Variants in PADI1 observed in about 807,000 individuals in gnomAD.
PADI1 encodes peptidyl arginine deiminase 1.
In PADI1, 65 loss-of-function variants were observed where a neutral mutation model predicts 74.8. The observed-to-expected ratio is 0.87, with a 90% confidence interval of 0.71 to 1.07. PADI1 has a LOEUF of 1.07. Ranked by LOEUF, PADI1 falls within the 50% of genes least tolerant of loss-of-function variation. The pLI is 0.00. For synonymous variants in PADI1, 371 were observed against 336.2 expected (o/e 1.10, Z -1.13); for missense variants, 943 against 854.0 (o/e 1.10, Z -1.30).
chr1:17,243,098 G>T (rs1459567050), intron 15 of PADI1, among the ~76,000 whole-genome samples: 2 of 152,218 alleles, frequency 1.3e-5, no homozygotes, highest in Non-Finnish European at 2.9e-5. Context: ...ACTCAAGACA[G>T]CCCAGAGCCG....
Position 17,230,187 on chromosome 1 carries a change from T to C in PADI1, c.1032T>C (p.Asn344=). 6.2e-7 allele frequency: 1 copy of C among 1,613,922 alleles called. No individual in the cohort carries two copies. Among genetic ancestry groups the C allele is most frequent in the Non-Finnish European group, 8.5e-7 (1 of 1,179,934 alleles). ...CKLTICPQVE[N]RNDRWIQDEM... is the part of the protein sequence containing the mutation. ...TGACCATCTGCCCTCAAGTTGAAAA[T>C]CGAAATGACCGCTGGATCCAGGTGG... The change falls in exon 9 of 16, where the codon AAT becomes AAC. Residue 344 remains asparagine, a synonymous_variant. Transcript: ENST00000375471.
intron 1 of PADI1, among the ~76,000 whole-genome samples, chr1:17,206,683 C>CTTTTTTTTTTT (rs796276122): frequency 9.1e-6 from 1 of 109,762 alleles, no homozygotes; most frequent in Non-Finnish European, 1.9e-5. Context: ...TTTTCTTTTT[C>CTTTTTTTTTTT]TTTTTTTTTT....
chr1:17,229,073 C>T, intron 8 of PADI1, 22 bp downstream of exon 8: 1 of 1,461,948 alleles, frequency 6.8e-7, no homozygotes, highest in Non-Finnish European at 9.4e-7. Flanking sequence ...TCCCTCCAGC[C>T]CTCCCCCAAG....
intron 1 of PADI1, among the ~76,000 whole-genome samples, chr1:17,213,999 G>A (rs576704249): frequency 1.4e-3 from 209 of 152,342 alleles, no homozygotes; most frequent in Non-Finnish European, 2.4e-3. Flanking sequence ...CGGCGCAGAC[G>A]AGATGTGAAG....
chr1:17,222,807 G>A (rs2072195025), intron 2 of PADI1, among the ~76,000 whole-genome samples: 1 of 152,132 alleles, frequency 6.6e-6, no homozygotes, highest in Admixed American at 6.5e-5. Flanking sequence ...GCTCTCGTGT[G>A]GGCAGGACCG....
chr1:17,210,111 A>T (rs1375342808), intron 1 of PADI1, among the ~76,000 whole-genome samples: 1 of 152,164 alleles, frequency 6.6e-6, no homozygotes, highest in South Asian at 2.1e-4. Flanking sequence ...AAGTGTTGGG[A>T]TTACAGGTGT....
At position 17,240,737 on chromosome 1, in the gene PADI1, G is replaced by A. The variant is rs370919595; in HGVS notation, c.1735G>A (p.Ala579Thr). The A allele has an allele frequency of 2.5e-5, 40 of 1,613,882 alleles. No individual in the cohort carries two copies. Among genetic ancestry groups the A allele is most frequent in the African/African-American group, 4.0e-5 (3 of 74,916 alleles). Residue 579 changes from alanine to threonine, a missense_variant, in exon 15 of 16, where the codon GCG (alanine) becomes ACG (threonine). Transcript: ENST00000375471. ...GCTCTTCTTCCTGAAAAACTTCTAC[G>A]CGGAAGCCTTCTTCCCAGACATGGT... ...PQLFFLKNFY[A>T]EAFFPDMVNM... is the part of the protein sequence containing the mutation.
chr1:17,229,704 C>T (rs1333647893), intron 8 of PADI1, among the ~76,000 whole-genome samples: 1 of 152,184 alleles, frequency 6.6e-6, no homozygotes, highest in African/African-American at 2.4e-5. Context: ...CTCCTGCTTG[C>T]TAACCCCACC....
At chr1:17,206,530 G>A (rs1441171136) in intron 1 of PADI1, among the ~76,000 whole-genome samples, 2 of 152,146 alleles carry the variant, frequency 1.3e-5, no homozygotes, top group Admixed American at 1.3e-4. Flanking sequence ...GTTAACATAG[G>A]CTTGCCAGAT....
At chr1:17,206,600 G>T (rs1229631086) in intron 1 of PADI1, among the ~76,000 whole-genome samples, 3 of 151,702 alleles carry the variant, frequency 2.0e-5, no homozygotes, top group African/African-American at 7.3e-5. Flanking sequence ...AAAACAAAAA[G>T]CTTTTTTAGT....
intron 2 of PADI1, 143 bp from the exon 3 acceptor site, chr1:17,223,478 T>G: frequency 2.6e-5 from 17 of 656,930 alleles, no homozygotes; most frequent in Non-Finnish European, 4.5e-5. Flanking sequence ...CGGGAGCCCT[T>G]GAGTCTTGGG....
intron 1 of PADI1, among the ~76,000 whole-genome samples, chr1:17,215,480 A>G (rs1374763072): frequency 6.6e-6 from 1 of 152,116 alleles, no homozygotes; most frequent in Non-Finnish European, 1.5e-5. Context: ...GCCCAAAGCT[A>G]GGGATTGGCT....
chr1:17,210,910 G>A lies in PADI1; in HGVS notation c.92+5601G>A, dbSNP rs530562813. On this transcript the variant is annotated intron_variant, in intron 1 of 15. Transcript: ENST00000375471. Reference sequence around the variant, plus strand: ...CTCCTGTGGTCTTTTCCCCAGGGCCGTCTGCTCCCGGGCACCTGCTCTGTG... The same window carrying A: ...CTCCTGTGGTCTTTTCCCCAGGGCCATCTGCTCCCGGGCACCTGCTCTGTG... Among the ~76,000 whole-genome samples, 15 of 152,314 alleles carry A rather than the reference G, an allele frequency of 9.8e-5. No individual in the cohort carries two copies. The South Asian group carries it at 1.2e-3, about 13-fold the overall frequency.
chr1:17,206,843 G>A (rs1445056216), intron 1 of PADI1, among the ~76,000 whole-genome samples: 2 of 151,816 alleles, frequency 1.3e-5, no homozygotes, highest in South Asian at 2.1e-4. Context: ...CATCACACTC[G>A]GCTAATTTTG....
intron 1 of PADI1, among the ~76,000 whole-genome samples, chr1:17,209,623 C>T (rs2071784772): frequency 6.6e-6 from 1 of 152,096 alleles, no homozygotes; most frequent in Non-Finnish European, 1.5e-5. Flanking sequence ...TTTCCGCCTC[C>T]TTACCCCTTC....
chr1:17,237,607 C>T (rs1274768744), intron 12 of PADI1, 149 bp downstream of exon 12: 6 of 612,726 alleles, frequency 9.8e-6, no homozygotes, highest in African/African-American at 5.7e-5. Flanking sequence ...CACCCTGACA[C>T]GCTCATCCTC....
chr1:17,232,902 C>T lies in PADI1; in HGVS notation c.1245C>T (p.Ser415=). The change falls in exon 11 of 16, where the codon AGC becomes AGT. Residue 415 remains serine (S), a synonymous_variant. Transcript: ENST00000375471. ...ACTCCTTCGGCAACCTGGACGTCAGCCCGCCCGTCACGGTGGGCGGCACGG... is the reference window on the plus strand; with the variant it reads ...ACTCCTTCGGCAACCTGGACGTCAGTCCGCCCGTCACGGTGGGCGGCACGG... ...SLDSFGNLDV[S]PPVTVGGTEY... 1 of 1,613,348 alleles carries T rather than the reference C, an allele frequency of 6.2e-7. No homozygotes were observed. Among genetic ancestry groups the T allele is most frequent in the South Asian group, 1.1e-5 (1 of 90,974 alleles).
In PADI1 at chr1:17,229,016, C is replaced by G. The variant is rs143077686; in HGVS notation, c.894C>G (p.Pro298=). 1.3e-6 allele frequency: 2 copies of G among 1,584,212 alleles called. No homozygotes were observed. Among genetic ancestry groups the G allele is most frequent in the South Asian group, 2.3e-5 (2 of 87,204 alleles). The stretch of plus-strand genomic sequence containing the variant: ...GCATGGCCCCCTGGATCATGACGCC[C>G]AACACTCAGCCTCCTGAGGAGCTGT... ...GFRMAPWIMT[P]NTQPPEELYV... is the part of the protein sequence containing the mutation. The change falls in exon 8 of 16, where the codon CCC becomes CCG. Residue 298 remains proline, a synonymous_variant. Transcript: ENST00000375471.
In PADI1 at chr1:17,244,339, G is replaced by C; in HGVS notation, c.*96G>C. ...CCACCTGGCCTCCATTCTCTTGGGG[G>C]AGTCTTGGCACTTTGCAAACATCCT... is the stretch of plus-strand genomic sequence containing the variant. On this transcript the variant is annotated 3_prime_UTR_variant, in exon 16 of 16. Coordinates refer to ENST00000375471, the MANE Select transcript of PADI1 (RefSeq NM_013358.3). 1 of 912,868 alleles carries C rather than the reference G, an allele frequency of 1.1e-6. No individual in the cohort carries two copies. Among genetic ancestry groups the C allele is most frequent in the Non-Finnish European group, 1.8e-6 (1 of 554,666 alleles). The allele number at this position is 912,868 out of a possible 1,614,324, so 56.5% of individuals were successfully genotyped here. A position where few individuals can be genotyped will look rare whatever the true frequency, so the allele number is the denominator to read the frequency against.
Sources: allele counts gnomAD v4.1 joint callset (sites outside exome capture counted in the v4.1 genomes callset), GRCh38; gene constraint gnomAD v4.1.1; transcripts MANE v1.5; gene names NCBI Gene and HGNC (gene_info 2026-07-23, HGNC 2026-07-21).